PPM1L: variants seen among roughly 807,000 people sequenced by gnomAD.
PPM1L encodes the protein protein phosphatase 1L.
Under a neutral mutation model 31.4 loss-of-function variants are expected in PPM1L, and 13 were observed. The observed-to-expected ratio is 0.41, with a 90% CI of 0.27 to 0.66. PPM1L has a LOEUF of 0.66. Ranked by LOEUF, PPM1L falls within the 30% of genes least tolerant of loss-of-function variation. The pLI is 0.29. For missense variants in PPM1L, 326 were observed against 453.7 expected (o/e 0.72, Z 2.56); for synonymous variants, 184 against 175.4 (o/e 1.05, Z -0.39).
intron 1 of PPM1L, among the ~76,000 whole-genome samples, chr3:160,851,908 A>C (rs2108113773): frequency 6.6e-6 from 1 of 152,324 alleles, no homozygotes; most frequent in African/African-American, 2.4e-5. Flanking sequence ...TTTGCTCTTC[A>C]TAGGAAATGA....
chr3:160,916,678 A>G (rs1308013404), intron 1 of PPM1L, among the ~76,000 whole-genome samples: 2 of 151,916 alleles, frequency 1.3e-5, no homozygotes, highest in Non-Finnish European at 2.9e-5. Flanking sequence ...CCAGTTTTAT[A>G]TTCTTTTTTT....
At chr3:160,925,213 C>T (rs1467138328) in intron 1 of PPM1L, among the ~76,000 whole-genome samples, 1 of 152,120 alleles carries the variant, frequency 6.6e-6, no homozygotes, top group East Asian at 1.9e-4. Context: ...CTCTGATTTA[C>T]CAGTCACTAA....
chr3:160,758,499 G>T (rs999873164), intron 1 of PPM1L, among the ~76,000 whole-genome samples: 4 of 152,094 alleles, frequency 2.6e-5, no homozygotes, highest in African/African-American at 7.2e-5. Flanking sequence ...TTAAAGATTT[G>T]GTTGTAATAG....
chr3:160,889,280 A>G (rs139966668), intron 1 of PPM1L, among the ~76,000 whole-genome samples: 1 of 152,362 alleles, frequency 6.6e-6, no homozygotes, highest in Admixed American at 6.5e-5. Context: ...CGAAGAAAAC[A>G]GAATAATCAA....
intron 1 of PPM1L, among the ~76,000 whole-genome samples, chr3:160,876,407 G>A (rs1207120840): frequency 6.6e-6 from 1 of 152,152 alleles, no homozygotes; most frequent in Non-Finnish European, 1.5e-5. Flanking sequence ...AAAGAAAACT[G>A]TACTGATGTT....
intron 2 of PPM1L, among the ~76,000 whole-genome samples, chr3:160,962,286 AT>A (rs202008709): frequency 4.0e-5 from 6 of 151,238 alleles, no homozygotes; most frequent in East Asian, 1.9e-4. Flanking sequence ...CTAAAGAGGT[AT>A]TTTTTTTTCT....
chr3:160,823,603 G>A (rs1713271100), intron 1 of PPM1L, among the ~76,000 whole-genome samples: 1 of 151,768 alleles, frequency 6.6e-6, no homozygotes, highest in South Asian at 2.1e-4. Context: ...ATCATTATTG[G>A]TATAGAAATG....
chr3:160,757,650 C>T (rs754820999), intron 1 of PPM1L, among the ~76,000 whole-genome samples: 11 of 152,252 alleles, frequency 7.2e-5, no homozygotes, highest in Non-Finnish European at 1.5e-4. Context: ...GCGCCATGCT[C>T]CAAAGAACAC....
chr3:160,969,747 A>G (rs1409261638), intron 2 of PPM1L, among the ~76,000 whole-genome samples: 2 of 152,246 alleles, frequency 1.3e-5, no homozygotes, highest in African/African-American at 4.8e-5. Context: ...AGACAAAAAC[A>G]GAGACCCAAA....
chr3:160,971,533 G>C (rs1716342994), intron 2 of PPM1L, among the ~76,000 whole-genome samples: 1 of 152,186 alleles, frequency 6.6e-6, no homozygotes, highest in Non-Finnish European at 1.5e-5. Context: ...GACGGTAGAT[G>C]TGCAGAGGAG....
At chr3:161,002,813 C>G (rs9871899) in intron 2 of PPM1L, among the ~76,000 whole-genome samples, 1,989 of 138,460 alleles carry the variant, frequency 0.014, 31 homozygotes, top group Non-Finnish European at 0.02. Context: ...ATGGTAGTTT[C>G]TTTTGCTGTG....
chr3:160,774,524 C>T (rs143308720), intron 1 of PPM1L, among the ~76,000 whole-genome samples: 133 of 152,228 alleles, frequency 8.7e-4, no homozygotes, highest in African/African-American at 3.1e-3. Context: ...TTTCAGCAAC[C>T]ATGATTTATT....
intron 1 of PPM1L, among the ~76,000 whole-genome samples, chr3:160,776,930 A>G (rs1711573123): frequency 6.6e-6 from 1 of 151,988 alleles, no homozygotes; most frequent in South Asian, 2.1e-4. Flanking sequence ...GGTGCCCTAT[A>G]AAGGTTTGTC....
chr3:160,809,369 C>T (rs1301482534), intron 1 of PPM1L, among the ~76,000 whole-genome samples: 1 of 152,104 alleles, frequency 6.6e-6, no homozygotes, highest in East Asian at 1.9e-4. Flanking sequence ...CTCCCTCTTC[C>T]TCCCTACATG....
chr3:160,939,444 T>C (rs1715089065), intron 1 of PPM1L, among the ~76,000 whole-genome samples: 1 of 152,192 alleles, frequency 6.6e-6, no homozygotes, highest in African/African-American at 2.4e-5. Flanking sequence ...TGGTATGATA[T>C]GGTTTGGCTG....
intron 1 of PPM1L, among the ~76,000 whole-genome samples, chr3:160,840,781 A>T (rs1713851143): frequency 6.6e-6 from 1 of 151,484 alleles, no homozygotes; most frequent in Admixed American, 6.6e-5. Context: ...AGAAAGAGAG[A>T]GAGAGAGGAG....
At chr3:160,841,050 C>T (rs1713864261) in intron 1 of PPM1L, among the ~76,000 whole-genome samples, 1 of 152,200 alleles carries the variant, frequency 6.6e-6, no homozygotes, top group Non-Finnish European at 1.5e-5. Context: ...GTAATCATTA[C>T]AATACATGAA....
At chr3:160,795,338 G>A (rs1220114643) in intron 1 of PPM1L, among the ~76,000 whole-genome samples, 6 of 152,098 alleles carry the variant, frequency 3.9e-5, no homozygotes, top group Non-Finnish European at 5.9e-5. Context: ...GTTTATTGTC[G>A]TGGAGGCTGT....
chr3:160,796,325 T>C (rs1712249680), intron 1 of PPM1L, among the ~76,000 whole-genome samples: 2 of 152,118 alleles, frequency 1.3e-5, no homozygotes, highest in African/African-American at 4.8e-5. Flanking sequence ...TGGGGCAGGG[T>C]AGAATGAGCT....
Sources: gnomAD v4.1 joint callset for allele counts (sites outside exome capture counted in the v4.1 genomes callset) on GRCh38, gnomAD v4.1.1 for gene constraint, MANE v1.5 for transcripts, NCBI Gene and HGNC (gene_info 2026-07-23, HGNC 2026-07-21) for gene names.